BECN1: variants seen among roughly 807,000 people sequenced by gnomAD.
The protein encoded by BECN1 is beclin 1.
Under a neutral mutation model 60.1 loss-of-function variants are expected in BECN1, and 15 were observed. The observed-to-expected ratio is 0.25, with a 90% CI of 0.17 to 0.38. The LOEUF (loss-of-function observed/expected upper bound fraction) is 0.38. Ranked by LOEUF, BECN1 falls within the 10% of genes least tolerant of loss-of-function variation. The pLI is 1.00. For synonymous variants in BECN1, 179 were observed against 201.8 expected (o/e 0.89, Z 0.96); for missense variants, 424 against 548.2 (o/e 0.77, Z 2.26).
In BECN1 at chr17:42,810,532, G is replaced by T; in HGVS notation, c.*228C>A. On this transcript the variant is annotated 3_prime_UTR_variant, in exon 12 of 12. Coordinates refer to ENST00000590099, the MANE Select transcript of BECN1 (RefSeq NM_001313998.2). ...GAGAAGAAAGGGAAAGGAGTCCATG[G>T]GGTTAAGAATCAAAACTGACCAGGG... 1 of 368,788 alleles carries T rather than the reference G, an allele frequency of 2.7e-6. No homozygotes were observed. Among genetic ancestry groups the T allele is most frequent in the East Asian group, 4.3e-5 (1 of 23,500 alleles). 22.8% of individuals were successfully genotyped at this position (368,788 alleles called of 1,614,324 possible). A position where few individuals can be genotyped will look rare whatever the true frequency, so the allele number is the denominator to read the frequency against.
chr17:42,824,037 G>A (rs1297093242), intron 1 of BECN1, 118 bp downstream of exon 1: 15 of 956,182 alleles, frequency 1.6e-5, no homozygotes, highest in Admixed American at 1.5e-4. Flanking sequence ...ACCTGCTTCC[G>A]GGACAGCCTG....
At position 42,818,638 on chromosome 17, in the gene BECN1, C is replaced by T; in HGVS notation, c.394G>A (p.Val132Met). Residue 132 changes from valine to methionine, a missense_variant, in exon 6 of 12, where the codon GTG becomes ATG. Val to Met is a conservative substitution (Grantham distance 21). This residue lies in a region of BECN1 where 326 missense variants were observed against 406.2 expected (regional missense o/e 0.80). Transcript: ENST00000590099. ...LFDIMSGQTD[V>M]DHPLCEECTD... is the part of the protein sequence containing the mutation. The stretch of plus-strand genomic sequence containing the variant: ...CATTCCTCACAGAGTGGGTGATCCA[C>T]ATCTGTCTGGCCCGACATGATGTCA... 1 of 1,614,186 alleles carries T rather than the reference C, an allele frequency of 6.2e-7. No homozygotes were observed. The highest frequency in any genetic ancestry group is 1.1e-5 in the South Asian group (1 of 91,082).
intron 11 of BECN1, chr17:42,811,189 C>A (rs575665278): frequency 2.7e-6 from 1 of 367,752 alleles, no homozygotes; most frequent in East Asian, 4.3e-5. Flanking sequence ...GTGAGGGTTA[C>A]AGTACTTCTT....
rs373493084 is a variant in BECN1, at chr17:42,818,986, G to C, written c.261-109C>G. On this transcript the variant is annotated intron_variant, in intron 4 of 11. Coordinates refer to ENST00000590099, the MANE Select transcript of BECN1 (RefSeq NM_001313998.2). The stretch of plus-strand genomic sequence containing the variant: ...TCAAGCACCAGCTGAGGGGCCTCAA[G>C]GAACATACCCACTCCTAGCCCGACT... The C allele has an allele frequency of 1.7e-5, 21 of 1,247,634 alleles. No homozygotes were observed. The African/African-American group carries it at 3.1e-4, about 19-fold the overall frequency. The allele number at this position is 1,247,634 out of a possible 1,614,324, so 77.3% of individuals were successfully genotyped here. A position where few individuals can be genotyped will look rare whatever the true frequency, so the allele number is the denominator to read the frequency against.
chr17:42,824,163 C>T lies in BECN1; in HGVS notation c.-11G>A. On this transcript the variant is annotated 5_prime_UTR_variant, in exon 1 of 12. Coordinates refer to ENST00000590099, the MANE Select transcript of BECN1 (RefSeq NM_001313998.2). The stretch of plus-strand genomic sequence containing the variant: ...CCCCCGATGCTCTTCACCTCGGGAG[C>T]CCGGAGCCCGTCACCCAAGTCCGGT... 1 of 434,918 alleles carries T rather than the reference C, an allele frequency of 2.3e-6. No homozygotes were observed. Among genetic ancestry groups the T allele is most frequent in the Non-Finnish European group, 4.1e-6 (1 of 245,308 alleles). The allele number at this position is 434,918 out of a possible 1,614,324, so 26.9% of individuals were successfully genotyped here.
chr17:42,810,950 C>G (rs747199925), intron 11 of BECN1, 22 bp from the exon 12 acceptor site: 1 of 1,557,664 alleles, frequency 6.4e-7, no homozygotes, highest in Admixed American at 1.9e-5. Flanking sequence ...CAGAGCAAAA[C>G]TCATTAGTAA....
At chr17:42,811,043 G>C (rs1264869450) in intron 11 of BECN1, 115 bp from the exon 12 acceptor site, 8 of 1,109,484 alleles carry the variant, frequency 7.2e-6, no homozygotes, top group Non-Finnish European at 9.9e-6. Flanking sequence ...AGAACACTTG[G>C]TGAGGAATGA....
Position 42,810,576 on chromosome 17 carries a change from A to G in BECN1, c.*184T>C, listed in dbSNP as rs1039707921. 1 of 542,216 alleles carries G rather than the reference A, an allele frequency of 1.8e-6. No homozygotes were observed. The highest frequency in any genetic ancestry group is 3.0e-6 in the Non-Finnish European group (1 of 338,364). The allele number at this position is 542,216 out of a possible 1,614,324, so 33.6% of individuals were successfully genotyped here. A position where few individuals can be genotyped will look rare whatever the true frequency, so the allele number is the denominator to read the frequency against. On this transcript the variant is annotated 3_prime_UTR_variant, in exon 12 of 12. Coordinates refer to ENST00000590099, the MANE Select transcript of BECN1 (RefSeq NM_001313998.2). ...ACCAGGGCTGGCAACTATAGATGGC[A>G]TGTTGTAGCTCTGGAAAGTATCTGT...
chr17:42,815,638 G>A (rs759824301), intron 8 of BECN1: 11 of 490,216 alleles, frequency 2.2e-5, no homozygotes, highest in African/African-American at 7.9e-5. Context: ...ATCAAACACC[G>A]TGGGGATAAG....
At chr17:42,818,466 T>A in intron 6 of BECN1, 51 bp from the exon 7 acceptor site, 1 of 1,612,190 alleles carries the variant, frequency 6.2e-7, no homozygotes. Flanking sequence ...TTTGCCTGAG[T>A]GGAGTACGGC....
At position 42,811,776 on chromosome 17, in the gene BECN1, C is replaced by T. The variant is rs1323799718; in HGVS notation, c.1063G>A (p.Gly355Arg). The T allele has an allele frequency of 6.2e-7, 1 of 1,614,126 alleles. No individual in the cohort carries two copies. Among genetic ancestry groups the T allele is most frequent in the Non-Finnish European group, 8.5e-7 (1 of 1,179,996 alleles). The change falls in exon 11 of 12, where the codon GGG becomes AGG. Residue 355 changes from glycine (G) to arginine (R), a missense_variant. By Grantham distance (125) the Gly-to-Arg change is moderately radical. This residue lies in a region of BECN1 where 326 missense variants were observed against 406.2 expected (regional missense o/e 0.80). Transcript: ENST00000590099. Reference protein sequence around the residue: ...KSKELPLYCSGGLRFFWDNKF... With the variant: ...KSKELPLYCSRGLRFFWDNKF... ...TTGTCCCAGAAAAACCGCAACCCCC[C>T]AGAACAGTATAACGGCAGCTCCTGC...
chr17:42,819,462 C>T, intron 4 of BECN1, 86 bp downstream of exon 4: 2 of 1,443,486 alleles, frequency 1.4e-6, no homozygotes, highest in Non-Finnish European at 1.9e-6. Flanking sequence ...GCATCTCTAT[C>T]ACCTGGCTCC....
Position 42,820,769 on chromosome 17 carries a change from A to C in BECN1, c.198+5T>G. The C allele has an allele frequency of 3.8e-6, 6 of 1,579,466 alleles. No individual in the cohort carries two copies. Among genetic ancestry groups the C allele is most frequent in the Non-Finnish European group, 5.2e-6 (6 of 1,160,164 alleles). On this transcript the variant is annotated splice_donor_5th_base_variant and intron_variant, in intron 3 of 11. Coordinates refer to ENST00000590099, the MANE Select transcript of BECN1 (RefSeq NM_001313998.2). ...GGAGGATAGGGGAGAGGGCACTTCTATTACCTCTCCTGAGTTAGTCTCTTC... is the reference window on the plus strand; with the variant it reads ...GGAGGATAGGGGAGAGGGCACTTCTCTTACCTCTCCTGAGTTAGTCTCTTC...
At chr17:42,814,474 C>G (rs1170423493) in intron 9 of BECN1, 50 bp downstream of exon 9, 1 of 1,607,556 alleles carries the variant, frequency 6.2e-7, no homozygotes, top group Non-Finnish European at 8.5e-7. Context: ...GTTGGAGATA[C>G]AAATTATATC....
chr17:42,812,946 T>C (rs2055059126), intron 10 of BECN1: 1 of 141,800 alleles, frequency 7.1e-6, no homozygotes, highest in Admixed American at 7.1e-5. Context: ...GCCATTCTCC[T>C]GCCACTGCCT....
At position 42,818,410 on chromosome 17, in the gene BECN1, C is replaced by A. The variant is rs1423754164; in HGVS notation, c.494G>T (p.Cys165Phe). The change falls in exon 7 of 12, where the codon TGT (cysteine) becomes TTT (phenylalanine). Residue 165 changes from cysteine to phenylalanine, a missense_variant. By Grantham distance (205) the Cys-to-Phe change is radical. This residue lies in a region of BECN1 where 326 missense variants were observed against 406.2 expected (regional missense o/e 0.80). Transcript: ENST00000590099. ...ATTCATTTGCTCTAAGATCTCCAAA[C>A]AGCGTCTGCCAAAGACACAGGCAGA... The part of the protein sequence containing the change: ...TENECQNYKR[C>F]LEILEQMNED... 6.2e-7 allele frequency: 1 copy of A among 1,614,190 alleles called. No individual in the cohort carries two copies. Among genetic ancestry groups the A allele is most frequent in the Non-Finnish European group, 8.5e-7 (1 of 1,180,010 alleles).
chr17:42,819,389 G>T, intron 4 of BECN1, 159 bp downstream of exon 4: 1 of 682,114 alleles, frequency 1.5e-6, no homozygotes, highest in Non-Finnish European at 2.4e-6. Flanking sequence ...CATACTGGAA[G>T]GTGACGGGCC....
intron 3 of BECN1, 155 bp downstream of exon 3, chr17:42,820,619 G>T: frequency 1.5e-6 from 1 of 652,656 alleles, no homozygotes; most frequent in Non-Finnish European, 2.7e-6. Flanking sequence ...TGATCATGTA[G>T]AATGTCTCAT....
rs752666805 is a variant in BECN1 at position 42,814,002 on chromosome 17, T to C, written c.987A>G (p.Arg329=). ...NKMGLKFQRY[R]LVPYGNHSYL... is the part of the protein sequence containing the mutation. ...ATGAATGGTTTCCGTAAGGAACAAG[T>C]CGGTATCTAAAATAGAGATACAAAC... The change falls in exon 10 of 12, where the codon CGA becomes CGG. Residue 329 remains arginine, a synonymous_variant. Coordinates refer to ENST00000590099, the MANE Select transcript of BECN1 (RefSeq NM_001313998.2). 1.9e-6 allele frequency: 3 copies of C among 1,601,460 alleles called. No individual in the cohort carries two copies. Among genetic ancestry groups the C allele is most frequent in the Non-Finnish European group, 2.6e-6 (3 of 1,170,814 alleles).
Sources: allele counts gnomAD v4.1 joint callset, GRCh38; gene constraint gnomAD v4.1.1; regional missense constraint gnomAD v4.1.1; transcripts MANE v1.5; gene names NCBI Gene and HGNC (gene_info 2026-07-23, HGNC 2026-07-21).